Variants in TLK2 observed in about 807,000 individuals in gnomAD.
TLK2 encodes the protein serine/threonine-protein kinase tousled-like 2.
A neutral mutation model predicts 117.3 loss-of-function variants in TLK2; 6 were observed. The ratio of observed to expected loss-of-function variants is 0.05; its 90% CI spans 0.03 to 0.10. The LOEUF is 0.10. Ranked by LOEUF, TLK2 falls within the 10% of genes least tolerant of loss-of-function variation. The pLI is 1.00. For synonymous variants in TLK2, 257 were observed against 316.7 expected, an observed-to-expected ratio of 0.81 and a Z score of 2.00; for missense variants, 299 against 901.2, an observed-to-expected ratio of 0.33 and a Z score of 8.56.
chr17:62,476,593 T>C (rs1221594911), upstream of TLK2, among the ~76,000 whole-genome samples: 1 of 150,006 alleles, frequency 6.7e-6, no homozygotes, highest in African/African-American at 2.5e-5. Flanking sequence ...CAAAATAAAA[T>C]AAAATAAAAT....
At chr17:62,604,510 T>C (rs1477165056) in intron 19 of TLK2, among the ~76,000 whole-genome samples, 2 of 152,178 alleles carry the variant, frequency 1.3e-5, no homozygotes, top group Non-Finnish European at 2.9e-5. Context: ...ATTTTCAGTA[T>C]TATTTGGATG....
intron 2 of TLK2, among the ~76,000 whole-genome samples, chr17:62,491,531 G>A (rs2073112593): frequency 6.6e-6 from 1 of 152,064 alleles, no homozygotes; most frequent in South Asian, 2.1e-4. Context: ...GATGTGATGG[G>A]ATTAGTTTGG....
chr17:62,525,139 T>A (rs1323805981), intron 6 of TLK2, among the ~76,000 whole-genome samples: 1 of 152,210 alleles, frequency 6.6e-6, no homozygotes, highest in Non-Finnish European at 1.5e-5. Context: ...CCTAATACCT[T>A]AGGTATTGCC....
rs1432187610 is a variant in TLK2, at chr17:62,593,784, A to C, written c.1461-2801A>C. ...TTTTTTTAATAAGTAGAAGTGGTAC[A>C]CTCTAAATTTTTTTTTTTTTTTTTT... On this transcript the variant is annotated intron_variant, in intron 16 of 21. Coordinates refer to ENST00000346027, the MANE Select transcript of TLK2 (RefSeq NM_006852.6). Among the ~76,000 whole-genome samples the C allele has an allele frequency of 8.1e-4, 116 of 142,600 alleles. 1 individual carries two copies. The highest frequency in any genetic ancestry group is 2.7e-3 in the African/African-American group (104 of 38,306). The allele number at this position is 142,600 out of a possible 152,430, so 93.6% of individuals were successfully genotyped here.
chr17:62,580,220 C>CTG, intron 15 of TLK2, 28 bp downstream of exon 15: 1 of 1,551,286 alleles, frequency 6.4e-7, no homozygotes, highest in Middle Eastern at 2.3e-4. Flanking sequence ...GATACAAAGA[C>CTG]TGGGGGTTAA....
intron 20 of TLK2, among the ~76,000 whole-genome samples, chr17:62,607,712 G>T (rs1233709636): frequency 6.6e-6 from 1 of 152,084 alleles, no homozygotes; most frequent in East Asian, 1.9e-4. Context: ...GTATCCCTCA[G>T]AGCAGGTGAG....
At chr17:62,606,023 A>C (rs955791176) in intron 19 of TLK2, 107 bp from the exon 20 acceptor site, 15 of 483,448 alleles carry the variant, frequency 3.1e-5, no homozygotes, top group African/African-American at 2.4e-4. Context: ...AAAAAAAAAA[A>C]AAACGATATT....
intron 18 of TLK2, 94 bp downstream of exon 18, chr17:62,600,914 C>G (rs2082825557): frequency 7.9e-7 from 1 of 1,267,986 alleles, no homozygotes; most frequent in African/African-American, 1.5e-5. Context: ...TCACAGCAGC[C>G]AAGAAAGGCT....
intron 2 of TLK2, among the ~76,000 whole-genome samples, chr17:62,508,978 A>G (rs1393920906): frequency 1.3e-5 from 2 of 152,204 alleles, no homozygotes; most frequent in Admixed American, 1.3e-4. Flanking sequence ...AACAACAACA[A>G]CAACAAAACC....
chr17:62,596,106 T>G (rs1200043404), intron 16 of TLK2, among the ~76,000 whole-genome samples: 1 of 152,046 alleles, frequency 6.6e-6, no homozygotes, highest in Non-Finnish European at 1.5e-5. Context: ...GGAGATAGAG[T>G]CTCGCTCTGT....
intron 7 of TLK2, among the ~76,000 whole-genome samples, chr17:62,540,637 G>A (rs1238896935): frequency 6.7e-6 from 1 of 148,898 alleles, no homozygotes; most frequent in African/African-American, 2.5e-5. Context: ...AACCTCAGGT[G>A]ATCCACCCGC....
chr17:62,564,878 T>TC (rs1295792125), intron 10 of TLK2, 123 bp from the exon 11 acceptor site: 6 of 1,261,850 alleles, frequency 4.8e-6, no homozygotes, highest in African/African-American at 1.5e-5. Context: ...TACTGACTGT[T>TC]CTGAGAAGTG....
At chr17:62,534,909 G>C (rs982323410) in intron 6 of TLK2, among the ~76,000 whole-genome samples, 1 of 111,432 alleles carries the variant, frequency 9.0e-6, no homozygotes, top group African/African-American at 3.5e-5. Context: ...TTTTTTTGGA[G>C]ATAGAGTCGC....
intron 11 of TLK2, among the ~76,000 whole-genome samples, chr17:62,569,686 C>T (rs566739324): frequency 5.9e-5 from 9 of 152,040 alleles, no homozygotes; most frequent in Middle Eastern, 3.4e-3. Context: ...CTTGGCCTCC[C>T]GAAGTGCTGG....
rs182137034 is a variant in TLK2 at position 62,502,700 on chromosome 17, C to G, written c.82-18073C>G. Among the ~76,000 whole-genome samples, 204 of 152,206 alleles carry G rather than the reference C, an allele frequency of 1.3e-3. 1 individual carries two copies. The highest frequency in any genetic ancestry group is 4.6e-3 in the African/African-American group (192 of 41,536). ...TAGAATATAAATCAATTTGCAAGAT[C>G]TAGTTGTATTTCTCATACTAGCAAT... On this transcript the variant is annotated intron_variant, in intron 2 of 21. Coordinates refer to ENST00000346027, the MANE Select transcript of TLK2 (RefSeq NM_006852.6).
intron 6 of TLK2, among the ~76,000 whole-genome samples, chr17:62,527,681 C>A (rs189720990): frequency 1.6e-4 from 25 of 151,864 alleles, no homozygotes; most frequent in African/African-American, 5.3e-4. Context: ...GTTTAATTTT[C>A]ATTTAATAAT....
intron 12 of TLK2, chr17:62,574,277 A>C: frequency 6.5e-7 from 1 of 1,529,370 alleles, no homozygotes; most frequent in East Asian, 2.5e-5. Flanking sequence ...TACATATCTG[A>C]TGTTTTGGGA....
chr17:62,608,158 G>A lies in TLK2; in HGVS notation c.2079+10G>A. The A allele has an allele frequency of 6.2e-7, 1 of 1,608,218 alleles. No homozygotes were observed. Among genetic ancestry groups the A allele is most frequent in the Non-Finnish European group, 8.5e-7 (1 of 1,177,808 alleles). On this transcript the variant is annotated intron_variant, in intron 21 of 21. Coordinates refer to ENST00000346027, the MANE Select transcript of TLK2 (RefSeq NM_006852.6). ...AACACCTGAAGCAAAGGTAAGTTTT[G>A]TTTGACCCATTGGCCAACAGAAACG...
chr17:62,500,288 A>G (rs2074081383), intron 2 of TLK2, among the ~76,000 whole-genome samples: 1 of 152,156 alleles, frequency 6.6e-6, no homozygotes, highest in Non-Finnish European at 1.5e-5. Context: ...AAACAGTATC[A>G]CTAAATATAA....
Sources: gnomAD v4.1 joint callset for allele counts (sites outside exome capture counted in the v4.1 genomes callset) on GRCh38, gnomAD v4.1.1 for gene constraint, MANE v1.5 for transcripts, NCBI Gene and HGNC (gene_info 2026-07-23, HGNC 2026-07-21) for gene names.